The following TPO variants were observed in gnomAD, a reference collection of about 807,000 sequenced individuals.
The protein encoded by TPO is thyroid peroxidase.
TPO carries 78 observed loss-of-function variants against 96.9 expected under a neutral mutation model. The observed-to-expected ratio is 0.81, with a 90% CI of 0.67 to 0.97. The LOEUF is 0.97. Among genes scored for constraint, TPO ranks in the 50% least tolerant of loss-of-function variants. TPO has a pLI of 0.00. For synonymous variants in TPO, 547 were observed against 538.0 expected, an observed-to-expected ratio of 1.02 and a Z score of -0.23; for missense variants, 1,252 against 1,274.8, an observed-to-expected ratio of 0.98 and a Z score of 0.27.
chr2:1,415,511 A>G (rs947798108), intron 2 of TPO, among the ~76,000 whole-genome samples: 47 of 148,784 alleles, frequency 3.2e-4, no homozygotes, highest in Admixed American at 3.1e-3. Context: ...CTCTGCACAT[A>G]GTCCCGGGGC....
chr2:1,488,925 G>A (rs1671428018), intron 10 of TPO, among the ~76,000 whole-genome samples: 1 of 152,194 alleles, frequency 6.6e-6, no homozygotes, highest in Non-Finnish European at 1.5e-5. Flanking sequence ...GGGCCCCTAT[G>A]TGTGTCAGGA....
At chr2:1,537,004 CCCCCCACTGTGTGCAACGTCCTCAAATA>C (rs1679846592) in intron 15 of TPO, among the ~76,000 whole-genome samples, 4 of 45,874 alleles carry the variant, frequency 8.7e-5, no homozygotes, top group South Asian at 1.1e-3. Flanking sequence ...AACCTCAAAT[CCCCCCACTGTGTGCAACGTCCTCAAATA>C]CCCCCACTGT....
At chr2:1,501,614 C>T (rs796072594) in intron 13 of TPO, among the ~76,000 whole-genome samples, 8 of 152,276 alleles carry the variant, frequency 5.3e-5, no homozygotes, top group African/African-American at 1.9e-4. Flanking sequence ...CAGGTGCCGT[C>T]GAGTTAAAGT....
chr2:1,504,195 T>C, intron 14 of TPO, 116 bp downstream of exon 14: 1 of 1,573,838 alleles, frequency 6.4e-7, no homozygotes, highest in Non-Finnish European at 8.6e-7. Flanking sequence ...AGGGCGGAGA[T>C]GAATAAGACA....
At chr2:1,533,416 CCCCCAAATGTGTGCAACCTCCCGAAATCG>C (rs1678814688) in intron 15 of TPO, among the ~76,000 whole-genome samples, 1 of 127,472 alleles carries the variant, frequency 7.8e-6, no homozygotes. Context: ...TCCTCAAATC[CCCCCAAATGTGTGCAACCTCCCGAAATCG>C]CCCCCACTGT....
chr2:1,511,938 C>G (rs968801690), intron 14 of TPO, among the ~76,000 whole-genome samples: 7 of 152,240 alleles, frequency 4.6e-5, no homozygotes, highest in African/African-American at 1.4e-4. Context: ...ACAACAGGAG[C>G]ATGAGTTGCA....
chr2:1,434,532 G>A (rs983428286), intron 4 of TPO, among the ~76,000 whole-genome samples: 6 of 151,840 alleles, frequency 4.0e-5, no homozygotes, highest in Non-Finnish European at 7.4e-5. Flanking sequence ...AAGAACTCTC[G>A]GTCCACTGTC....
At chr2:1,428,568 C>T (rs1664662631) in intron 3 of TPO, among the ~76,000 whole-genome samples, 1 of 152,128 alleles carries the variant, frequency 6.6e-6, no homozygotes, top group Non-Finnish European at 1.5e-5. Flanking sequence ...TGACGTACCC[C>T]TTTTGGGCCC....
intron 8 of TPO, among the ~76,000 whole-genome samples, chr2:1,481,810 C>T (rs1395741919): frequency 6.6e-6 from 1 of 152,160 alleles, no homozygotes; most frequent in Non-Finnish European, 1.5e-5. Flanking sequence ...CAGTGGCCTC[C>T]AATGTTGGCT....
intron 7 of TPO, among the ~76,000 whole-genome samples, chr2:1,467,511 G>A (rs980747269): frequency 6.6e-6 from 1 of 152,134 alleles, no homozygotes; most frequent in South Asian, 2.1e-4. Flanking sequence ...GTTCCTTTTG[G>A]AGTTGATTTC....
At chr2:1,504,430 C>G (rs1280570464) in intron 14 of TPO, among the ~76,000 whole-genome samples, 2 of 152,202 alleles carry the variant, frequency 1.3e-5, no homozygotes, top group South Asian at 4.1e-4. Context: ...CATCACCTCT[C>G]CTCCTCCTGG....
Position 1,399,741 on chromosome 2 carries a change from T to C in TPO, n.180+25339T>C, listed in dbSNP as rs1353936105. On this transcript the variant is annotated intron_variant and non_coding_transcript_variant, in intron 1 of 5. Transcript: ENST00000497517. Reference sequence around the variant, plus strand: ...GCCTGGGGCTCCTGCCTCCTCCCCATGTGGCCTCAATCTGCCTTCCTTGCA... The same window carrying C: ...GCCTGGGGCTCCTGCCTCCTCCCCACGTGGCCTCAATCTGCCTTCCTTGCA... Among the ~76,000 whole-genome samples, 6 of 152,186 alleles carry C rather than the reference T, an allele frequency of 3.9e-5. No homozygotes were observed. In the East Asian group the frequency reaches 1.2e-3, roughly 29 times the overall value.
chr2:1,469,985 C>A (rs1669244003), intron 7 of TPO, among the ~76,000 whole-genome samples: 1 of 152,176 alleles, frequency 6.6e-6, no homozygotes, highest in Non-Finnish European at 1.5e-5. Context: ...TGCCTCTTGT[C>A]CGCCATGATC....
At chr2:1,465,202 T>C (rs1668789072) in intron 7 of TPO, among the ~76,000 whole-genome samples, 2 of 152,228 alleles carry the variant, frequency 1.3e-5, no homozygotes, top group African/African-American at 4.8e-5. Context: ...GAAGATCAAT[T>C]GGCTGTAAGT....
intron 1 of TPO, among the ~76,000 whole-genome samples, chr2:1,401,121 C>A (rs766691921): frequency 4.6e-5 from 7 of 152,214 alleles, no homozygotes; most frequent in Non-Finnish European, 1.0e-4. Flanking sequence ...ATTAGCAGAG[C>A]CTCCCATATC....
At chr2:1,502,744 G>C (rs1018764904) in intron 13 of TPO, among the ~76,000 whole-genome samples, 1 of 152,186 alleles carries the variant, frequency 6.6e-6, no homozygotes, top group Non-Finnish European at 1.5e-5. Context: ...ATTAAAGACC[G>C]TACTGTTTAG....
intron 5 of TPO, among the ~76,000 whole-genome samples, chr2:1,449,873 G>A (rs1667164620): frequency 6.6e-6 from 1 of 152,134 alleles, no homozygotes. Context: ...GTCCCTCAGG[G>A]ATCATGCTGG....
In TPO at chr2:1,526,183, C is replaced by G. The variant is rs1371356009; in HGVS notation, c.2618+9201C>G. On this transcript the variant is annotated intron_variant, in intron 15 of 16. Transcript: ENST00000329066. ...AAATCCCCCCACTGTGTGCAACCTC[C>G]TCAAATCCCCCCACTGTGTGCAACC... Among the ~76,000 whole-genome samples the G allele has an allele frequency of 3.4e-5, 4 of 119,218 alleles. No individual in the cohort carries two copies. The East Asian group carries it at 1.2e-3, about 35-fold the overall frequency. The allele number at this position is 119,218 out of a possible 152,430, so 78.2% of individuals were successfully genotyped here.
At chr2:1,521,971 C>CA (rs1675320501) in intron 15 of TPO, among the ~76,000 whole-genome samples, 1 of 152,050 alleles carries the variant, frequency 6.6e-6, no homozygotes, top group Non-Finnish European at 1.5e-5. Flanking sequence ...TTTCTCTGGG[C>CA]AGCTCCCAGC....
Sources: gnomAD v4.1 joint callset for allele counts (sites outside exome capture counted in the v4.1 genomes callset) on GRCh38, gnomAD v4.1.1 for gene constraint, MANE v1.5 for transcripts, NCBI Gene and HGNC (gene_info 2026-07-23, HGNC 2026-07-21) for gene names.